Variants in DXO observed in about 807,000 individuals in gnomAD.
The protein encoded by DXO is decapping exoribonuclease.
A neutral mutation model predicts 39.8 loss-of-function variants in DXO; 42 were observed. That is an observed-to-expected ratio of 1.06 (90% CI 0.83 to 1.37). The LOEUF is 1.37. Among genes scored for constraint, DXO ranks in the 40% most tolerant of loss-of-function variants. The pLI is 0.00. For missense variants in DXO, 495 were observed against 513.0 expected (o/e 0.96, Z 0.34); for synonymous variants, 193 against 200.4 (o/e 0.96, Z 0.31).
chr6:31,971,977 G>A lies in DXO; in HGVS notation c.-55C>T, dbSNP rs757824683. 82 of 1,587,634 alleles carry A rather than the reference G, an allele frequency of 5.2e-5. No homozygotes were observed. Among genetic ancestry groups the A allele is most frequent in the Non-Finnish European group, 5.4e-5 (63 of 1,162,660 alleles). On this transcript the variant is annotated 5_prime_UTR_variant, in exon 1 of 7. Transcript: ENST00000337523. The surrounding 1 kb of genome is among the most constrained non-coding windows in gnomAD (Gnocchi z 4.5). ...TCCGCAGAGCTATGACGTCATGGCA[G>A]GCACGCCAGAGGCCGAAGGATGCAA...
At position 31,970,082 on chromosome 6, in the gene DXO, G is replaced by C. The variant is rs1444720784; in HGVS notation, c.1043+27C>G. On this transcript the variant is annotated intron_variant, in intron 6 of 6. Coordinates refer to ENST00000337523, the MANE Select transcript of DXO (RefSeq NM_005510.4). The surrounding 1 kb of genome is among the most constrained non-coding windows in gnomAD (Gnocchi z 4.0). ...CAGAGGCTGGATCCTGGGATCCAGA[G>C]GGGAGGGACAGAGCTGAATGCCTCA... 1.2e-6 allele frequency: 2 copies of C among 1,613,836 alleles called. No individual in the cohort carries two copies. The highest frequency in any genetic ancestry group is 3.3e-5 in the Admixed American group (2 of 60,000).
At position 31,971,115 on chromosome 6, in the gene DXO, G is replaced by C. The variant is rs754532504; in HGVS notation, c.389C>G (p.Thr130Arg). The change falls in exon 3 of 7, where the codon ACG (threonine) becomes AGG (arginine). Residue 130 changes from threonine (T) to arginine (R), a missense_variant. Coordinates refer to ENST00000337523, the MANE Select transcript of DXO (RefSeq NM_005510.4). The surrounding 1 kb of genome is among the most constrained non-coding windows in gnomAD (Gnocchi z 4.5). ...CAGTTTTGTCAGGTGCCCCCGCCAC[G>C]TCACTATGGCCTCTGCCAGCCAGCC... ...GPGWLAEAIVTWRGHLTKLLT... is the reference protein window; with the variant it reads ...GPGWLAEAIVRWRGHLTKLLT... The C allele has an allele frequency of 6.2e-7, 1 of 1,612,810 alleles. No homozygotes were observed. The highest frequency in any genetic ancestry group is 8.5e-7 in the Non-Finnish European group (1 of 1,179,988).
chr6:31,972,070 G>C lies in DXO; in HGVS notation c.-148C>G. 2 of 1,612,884 alleles carry C rather than the reference G, an allele frequency of 1.2e-6. No homozygotes were observed. The highest frequency in any genetic ancestry group is 1.7e-6 in the Non-Finnish European group (2 of 1,179,666). On this transcript the variant is annotated 5_prime_UTR_variant, in exon 1 of 7. Transcript: ENST00000337523. The surrounding 1 kb of genome is among the most constrained non-coding windows in gnomAD (Gnocchi z 6.3). ...TGGCGGGCAAACCCCTCCCGGGGCG[G>C]GGGAGGTGTGAGCTTCACGAAGGAG...
chr6:31,971,234 A>G lies in DXO; in HGVS notation c.356+86T>C. The G allele has an allele frequency of 6.4e-7, 1 of 1,553,734 alleles. No individual in the cohort carries two copies. Among genetic ancestry groups the G allele is most frequent in the East Asian group, 2.3e-5 (1 of 44,352 alleles). ...AAGAATAGTCTTGTTTCTTCTAAGG[A>G]CTGATTCTCACCCCGGCTTTGGCTC... On this transcript the variant is annotated intron_variant, in intron 2 of 6. Coordinates refer to ENST00000337523, the MANE Select transcript of DXO (RefSeq NM_005510.4). The surrounding 1 kb of genome is among the most constrained non-coding windows in gnomAD (Gnocchi z 4.5).
Position 31,970,286 on chromosome 6 carries a change from G to C in DXO, c.948+57C>G, listed in dbSNP as rs1773142598. 2.5e-6 allele frequency: 4 copies of C among 1,613,868 alleles called. No homozygotes were observed. The highest frequency in any genetic ancestry group is 1.3e-5 in the African/African-American group (1 of 74,874). ...AGGCAGGCTGTTGCCCTGGATGCTA[G>C]ACCTGTGGTCTTGGTGTTTGGGGAT... is the stretch of plus-strand genomic sequence containing the variant. On this transcript the variant is annotated intron_variant, in intron 5 of 6. Transcript: ENST00000337523. This position sits in a 1 kb window ranked among gnomAD's most constrained non-coding sequence, Gnocchi z 4.0.
At position 31,972,070 on chromosome 6, in the gene DXO, G is replaced by A; in HGVS notation, c.-148C>T. 1 of 1,612,884 alleles carries A rather than the reference G, an allele frequency of 6.2e-7. No homozygotes were observed. Among genetic ancestry groups the A allele is most frequent in the Non-Finnish European group, 8.5e-7 (1 of 1,179,666 alleles). ...TGGCGGGCAAACCCCTCCCGGGGCG[G>A]GGGAGGTGTGAGCTTCACGAAGGAG... On this transcript the variant is annotated 5_prime_UTR_variant, in exon 1 of 7. Transcript: ENST00000337523. The surrounding 1 kb of genome is among the most constrained non-coding windows in gnomAD (Gnocchi z 6.3).
chr6:31,970,175 A>C lies in DXO; in HGVS notation c.977T>G (p.Val326Gly), dbSNP rs1178086558. Residue 326 changes from valine to glycine, a missense_variant, in exon 6 of 7, where the codon GTG (valine) becomes GGG (glycine). Transcript: ENST00000337523. This position sits in a 1 kb window ranked among gnomAD's most constrained non-coding sequence, Gnocchi z 4.0. Reference protein sequence around the residue: ...RNDRDGWNPSVCMNFCAAFLS... With the variant: ...RNDRDGWNPSGCMNFCAAFLS... ...GAAGGCGGCACAGAAGTTCATGCACACAGAGGGATTCCAGCCGTCACGGTC... is the reference window on the plus strand; with the variant it reads ...GAAGGCGGCACAGAAGTTCATGCACCCAGAGGGATTCCAGCCGTCACGGTC... 6.2e-7 allele frequency: 1 copy of C among 1,613,838 alleles called. No individual in the cohort carries two copies. Among genetic ancestry groups the C allele is most frequent in the Non-Finnish European group, 8.5e-7 (1 of 1,180,016 alleles).
Position 31,970,103 on chromosome 6 carries a change from C to T in DXO, c.1043+6G>A. On this transcript the variant is annotated splice_donor_region_variant and intron_variant, in intron 6 of 6. Transcript: ENST00000337523. This position sits in a 1 kb window ranked among gnomAD's most constrained non-coding sequence, Gnocchi z 4.0. ...CAGAGGGGAGGGACAGAGCTGAATG[C>T]CTCACCTGGGGTCATCCTGGACAAC... 6.2e-7 allele frequency: 1 copy of T among 1,613,858 alleles called. No individual in the cohort carries two copies. The highest frequency in any genetic ancestry group is 8.5e-7 in the Non-Finnish European group (1 of 1,180,004).
Position 31,970,393 on chromosome 6 carries a change from C to T in DXO, c.898G>A (p.Val300Ile). 6.2e-7 allele frequency: 1 copy of T among 1,614,080 alleles called. No homozygotes were observed. Among genetic ancestry groups the T allele is most frequent in the Non-Finnish European group, 8.5e-7 (1 of 1,180,020 alleles). ...GTAGGAAAGGTCTTGAGGGAAGAGA[C>T]AAAACCGTCTGGGTTACGGAAGCCA... is the stretch of plus-strand genomic sequence containing the variant. ...VAGFRNPDGF[V>I]SSLKTFPTMK... The change falls in exon 5 of 7, where the codon GTC becomes ATC. Residue 300 changes from valine to isoleucine, a missense_variant. Val to Ile is a conservative substitution (Grantham distance 29). Coordinates refer to ENST00000337523, the MANE Select transcript of DXO (RefSeq NM_005510.4). This position sits in a 1 kb window ranked among gnomAD's most constrained non-coding sequence, Gnocchi z 4.0.
In DXO at chr6:31,971,434, T is replaced by C. The variant is rs752812055; in HGVS notation, c.242A>G (p.Asn81Ser). 6.2e-7 allele frequency: 1 copy of C among 1,611,514 alleles called. No homozygotes were observed. The stretch of plus-strand genomic sequence containing the variant: ...CGGGTATCCGTCTCTGAGGTCAAAG[T>C]TGGGGCCTGGACCGTTAGTGGGGGG... ...SPPPTNGPGP[N>S]FDLRDGYPDR... Residue 81 changes from asparagine (N) to serine (S), a missense_variant, in exon 2 of 7, where the codon AAC (asparagine) becomes AGC (serine). Physicochemically the swap from Asn to Ser is conservative, Grantham distance 46. Transcript: ENST00000337523. The surrounding 1 kb of genome is among the most constrained non-coding windows in gnomAD (Gnocchi z 4.5).
rs778780634 is a variant in DXO, at chr6:31,970,511, C to T, written c.813-33G>A. 5.0e-6 allele frequency: 8 copies of T among 1,613,760 alleles called. No individual in the cohort carries two copies. Among genetic ancestry groups the T allele is most frequent in the Non-Finnish European group, 2.5e-6 (3 of 1,179,912 alleles). On this transcript the variant is annotated intron_variant, in intron 4 of 6. Coordinates refer to ENST00000337523, the MANE Select transcript of DXO (RefSeq NM_005510.4). The surrounding 1 kb of genome is among the most constrained non-coding windows in gnomAD (Gnocchi z 4.0). ...GAAAAGCAAGGGATCAGTGGGACCC[C>T]TCGTGCACCCTCCATTCTGCCTTCA... is the stretch of plus-strand genomic sequence containing the variant.
chr6:31,970,106 C>T lies in DXO; in HGVS notation c.1043+3G>A, dbSNP rs1394272010. 1.2e-6 allele frequency: 2 copies of T among 1,613,868 alleles called. No homozygotes were observed. The highest frequency in any genetic ancestry group is 1.7e-6 in the Non-Finnish European group (2 of 1,180,018). On this transcript the variant is annotated splice_donor_region_variant and intron_variant, in intron 6 of 6. Coordinates refer to ENST00000337523, the MANE Select transcript of DXO (RefSeq NM_005510.4). The surrounding 1 kb of genome is among the most constrained non-coding windows in gnomAD (Gnocchi z 4.0). ...AGGGGAGGGACAGAGCTGAATGCCT[C>T]ACCTGGGGTCATCCTGGACAACCGT... is the stretch of plus-strand genomic sequence containing the variant.
In DXO at chr6:31,971,620, C is replaced by T. The variant is rs771331073; in HGVS notation, c.56G>A (p.Arg19Gln). 1.9e-6 allele frequency: 3 copies of T among 1,612,552 alleles called. No individual in the cohort carries two copies. Among genetic ancestry groups the T allele is most frequent in the South Asian group, 1.1e-5 (1 of 91,062 alleles). Residue 19 changes from arginine to glutamine, a missense_variant, in exon 2 of 7, where the codon CGG (arginine) becomes CAG (glutamine). Transcript: ENST00000337523. This position sits in a 1 kb window ranked among gnomAD's most constrained non-coding sequence, Gnocchi z 4.5. ...AGGTGCTGGACGAGGTAGTTTGTTC[C>T]GAGGCTCAGCTACCTCTGTCTTCTC... ...GAEKTEVAEPRNKLPRPAPSL... is the reference protein window; with the variant it reads ...GAEKTEVAEPQNKLPRPAPSL...
In DXO at chr6:31,970,454, A is replaced by G; in HGVS notation, c.837T>C (p.Ala279=). The G allele has an allele frequency of 6.2e-7, 1 of 1,614,074 alleles. No individual in the cohort carries two copies. The highest frequency in any genetic ancestry group is 8.5e-7 in the Non-Finnish European group (1 of 1,179,996). Reference sequence around the variant, plus strand: ...TCGGGACCCCTGGGAGGAATGACTGAGCCCACCATTTCAGGAGCTTGTGTC... The same window carrying G: ...TCGGGACCCCTGGGAGGAATGACTGGGCCCACCATTTCAGGAGCTTGTGTC... ...FYRHKLLKWW[A]QSFLPGVPNV... The change falls in exon 5 of 7, where the codon GCT becomes GCC. Residue 279 remains alanine, a synonymous_variant. Transcript: ENST00000337523. This position sits in a 1 kb window ranked among gnomAD's most constrained non-coding sequence, Gnocchi z 4.0.
chr6:31,970,404 G>A lies in DXO; in HGVS notation c.887C>T (p.Pro296Leu), dbSNP rs778532345. 1.2e-6 allele frequency: 2 copies of A among 1,614,104 alleles called. No individual in the cohort carries two copies. The highest frequency in any genetic ancestry group is 1.7e-6 in the Non-Finnish European group (2 of 1,180,000). ...CTTGAGGGAAGAGACAAAACCGTCT[G>A]GGTTACGGAAGCCAGCAACAACATT... ...VPNVVAGFRN[P>L]DGFVSSLKTF... The change falls in exon 5 of 7, where the codon CCA (proline) becomes CTA (leucine). Residue 296 changes from proline (P) to leucine (L), a missense_variant. Transcript: ENST00000337523. The surrounding 1 kb of genome is among the most constrained non-coding windows in gnomAD (Gnocchi z 4.0).
chr6:31,971,183 C>A lies in DXO; in HGVS notation c.357-36G>T, dbSNP rs774932520. 21 of 1,603,692 alleles carry A rather than the reference C, an allele frequency of 1.3e-5. No homozygotes were observed. The highest frequency in any genetic ancestry group is 1.8e-5 in the Non-Finnish European group (21 of 1,174,324). ...GGAGTTACAGGCTGAAGGTCTGACA[C>A]AAGCATTAGTGAGATGCTCCCCTCG... On this transcript the variant is annotated intron_variant, in intron 2 of 6. Transcript: ENST00000337523. This position sits in a 1 kb window ranked among gnomAD's most constrained non-coding sequence, Gnocchi z 4.5.
rs750645420 is a variant in DXO, at chr6:31,971,096, T to C, written c.408A>G (p.Thr136=). Residue 136 remains threonine, a synonymous_variant, in exon 3 of 7, where the codon ACA becomes ACG. Coordinates refer to ENST00000337523, the MANE Select transcript of DXO (RefSeq NM_005510.4). The surrounding 1 kb of genome is among the most constrained non-coding windows in gnomAD (Gnocchi z 4.5). The part of the protein sequence containing the change: ...EAIVTWRGHL[T]KLLTTPYERQ... ...GCTCATACGGTGTCGTCAGCAGTTT[T>C]GTCAGGTGCCCCCGCCACGTCACTA... 1 of 1,612,952 alleles carries C rather than the reference T, an allele frequency of 6.2e-7. No individual in the cohort carries two copies. Among genetic ancestry groups the C allele is most frequent in the East Asian group, 2.2e-5 (1 of 44,876 alleles).
At position 31,971,231 on chromosome 6, in the gene DXO, AGGACTGATTCTCACCCC is replaced by A. The variant is rs1773287068; in HGVS notation, c.356+72_357-85del. 1 of 1,558,832 alleles carries A rather than the reference AGGACTGATTCTCACCCC, an allele frequency of 6.4e-7. No individual in the cohort carries two copies. The highest frequency in any genetic ancestry group is 1.4e-5 in the African/African-American group (1 of 73,584). ...TCGAAGAATAGTCTTGTTTCTTCTA[AGGACTGATTCTCACCCC>A]GGCTTTGGCTCTCCTAATTTTAGAG... is the stretch of plus-strand genomic sequence containing the variant. On this transcript the variant is annotated intron_variant, in intron 2 of 6. Transcript: ENST00000337523. The surrounding 1 kb of genome is among the most constrained non-coding windows in gnomAD (Gnocchi z 4.5).
At position 31,970,868 on chromosome 6, in the gene DXO, A is replaced by G. The variant is rs1279587509; in HGVS notation, c.593-43T>C. 2 of 1,610,982 alleles carry G rather than the reference A, an allele frequency of 1.2e-6. No homozygotes were observed. Among genetic ancestry groups the G allele is most frequent in the African/African-American group, 2.7e-5 (2 of 74,686 alleles). On this transcript the variant is annotated intron_variant, in intron 3 of 6. Transcript: ENST00000337523. This position sits in a 1 kb window ranked among gnomAD's most constrained non-coding sequence, Gnocchi z 4.0. ...CAGCAGCAGGCGTGGGGGGCTCTCA[A>G]CCTCTGGGAAGGGGAAGGGGGCTAT...
Sources: allele counts gnomAD v4.1 joint callset, GRCh38; gene constraint gnomAD v4.1.1; non-coding constraint Gnocchi (gnomAD v3.1); transcripts MANE v1.5; gene names NCBI Gene and HGNC (gene_info 2026-07-23, HGNC 2026-07-21).